The following CTNNA2 variants were observed in gnomAD, a reference collection of about 807,000 sequenced individuals.
CTNNA2 encodes the protein catenin alpha-2.
CTNNA2 carries 42 observed loss-of-function variants against 101.0 expected under a neutral mutation model. The ratio of observed to expected loss-of-function variants is 0.42; its 90% CI spans 0.32 to 0.54. The LOEUF (loss-of-function observed/expected upper bound fraction) is 0.54, where lower values mean the gene tolerates loss of function less well. CTNNA2 is among the 20% of genes least tolerant of loss of function. The pLI is 0.14. For synonymous variants in CTNNA2, 450 were observed against 456.4 expected (o/e 0.99, Z 0.18); for missense variants, 871 against 1,223.1 (o/e 0.71, Z 4.29).
At chr2:79,334,228 A>C (rs1676939903) in intron 3 of CTNNA2, among the ~76,000 whole-genome samples, 3 of 152,202 alleles carry the variant, frequency 2.0e-5, no homozygotes, top group African/African-American at 7.2e-5. Flanking sequence ...ACCTTAAGCT[A>C]TCCTTTTGAG....
chr2:80,155,051 G>A (rs1250123206), intron 7 of CTNNA2, among the ~76,000 whole-genome samples: 1 of 152,100 alleles, frequency 6.6e-6, no homozygotes, highest in Admixed American at 6.6e-5. Flanking sequence ...GCATTTCCTG[G>A]TCTCTTTAAT....
intron 7 of CTNNA2, among the ~76,000 whole-genome samples, chr2:80,192,961 G>T (rs1325138384): frequency 2.0e-5 from 3 of 152,092 alleles, no homozygotes; most frequent in Admixed American, 6.6e-5. Flanking sequence ...TGGTGTGTGT[G>T]TGTGAGTGAT....
chr2:79,638,673 G>T (rs1484745919), intron 1 of CTNNA2, among the ~76,000 whole-genome samples: 1 of 152,148 alleles, frequency 6.6e-6, no homozygotes, highest in Non-Finnish European at 1.5e-5. Context: ...CATGAGGCAG[G>T]TCTATTAGGC....
intron 4 of CTNNA2, among the ~76,000 whole-genome samples, chr2:79,467,870 T>C (rs1670956542): frequency 6.6e-6 from 1 of 152,118 alleles, no homozygotes; most frequent in East Asian, 1.9e-4. Flanking sequence ...CAAGAGCTCC[T>C]GAAGGAAGCA....
At chr2:79,660,417 GTAAC>G (rs901041350) in intron 2 of CTNNA2, among the ~76,000 whole-genome samples, 1 of 151,114 alleles carries the variant, frequency 6.6e-6, no homozygotes, top group South Asian at 2.1e-4. Flanking sequence ...TTGAATATAA[GTAAC>G]TAAGTTGTGA....
At chr2:79,867,700 A>G (rs1396298570) in intron 4 of CTNNA2, among the ~76,000 whole-genome samples, 1 of 152,212 alleles carries the variant, frequency 6.6e-6, no homozygotes, top group East Asian at 1.9e-4. Context: ...AAAATAAGTT[A>G]TGTGTAACAC....
At chr2:80,591,086 GCACA>G (rs1324831643) in intron 15 of CTNNA2, among the ~76,000 whole-genome samples, 2 of 152,130 alleles carry the variant, frequency 1.3e-5, no homozygotes, top group Non-Finnish European at 2.9e-5. Context: ...TTGATCAGGA[GCACA>G]TTTTATAATT....
intron 7 of CTNNA2, among the ~76,000 whole-genome samples, chr2:80,294,470 C>T (rs1675556315): frequency 6.6e-6 from 1 of 151,436 alleles, no homozygotes; most frequent in Non-Finnish European, 1.5e-5. Context: ...CCCCATGGAG[C>T]CCTGACCCCA....
intron 7 of CTNNA2, among the ~76,000 whole-genome samples, chr2:80,245,741 T>A (rs554171477): frequency 1.3e-5 from 2 of 149,990 alleles, no homozygotes; most frequent in East Asian, 4.0e-4. Flanking sequence ...CTTCATGACA[T>A]CTCTTTTATT....
At chr2:79,472,145 A>G (rs1489880625) in intron 4 of CTNNA2, among the ~76,000 whole-genome samples, 1 of 152,230 alleles carries the variant, frequency 6.6e-6, no homozygotes, top group Non-Finnish European at 1.5e-5. Flanking sequence ...AAACAAGCAA[A>G]GCGTAGACAT....
intron 7 of CTNNA2, among the ~76,000 whole-genome samples, chr2:80,382,876 G>A (rs1460425034): frequency 1.3e-5 from 2 of 152,094 alleles, no homozygotes; most frequent in African/African-American, 4.8e-5. Flanking sequence ...AAAATGAAAT[G>A]GAACTTTTAA....
chr2:79,576,317 G>A (rs1195781764), intron 1 of CTNNA2, among the ~76,000 whole-genome samples: 2 of 152,128 alleles, frequency 1.3e-5, no homozygotes, highest in African/African-American at 4.8e-5. Context: ...GAGAGTTTAT[G>A]GGAATGAAAA....
chr2:80,238,569 A>G (rs76516458), intron 7 of CTNNA2, among the ~76,000 whole-genome samples: 2,612 of 152,296 alleles, frequency 0.017, 75 homozygotes, highest in African/African-American at 0.06. Context: ...AGGCCCCTGC[A>G]TAATGATAGC....
intron 2 of CTNNA2, among the ~76,000 whole-genome samples, chr2:79,661,635 T>G (rs2104530144): frequency 6.6e-6 from 1 of 152,302 alleles, no homozygotes; most frequent in African/African-American, 2.4e-5. Flanking sequence ...TCAAAACTAC[T>G]TTGATTAGAA....
intron 2 of CTNNA2, among the ~76,000 whole-genome samples, chr2:79,269,115 C>A (rs868849262): frequency 6.6e-6 from 1 of 151,996 alleles, no homozygotes; most frequent in Non-Finnish European, 1.5e-5. Flanking sequence ...AGAAAATACA[C>A]CTGAGGTGTA....
chr2:79,777,080 G>T (rs1674020609), intron 3 of CTNNA2: 1 of 152,178 alleles, frequency 6.6e-6, no homozygotes, highest in South Asian at 2.1e-4. Flanking sequence ...TCAGAGCTTT[G>T]TTGCTGTGAC....
chr2:80,003,935 G>C (rs1233899153), intron 7 of CTNNA2, among the ~76,000 whole-genome samples: 5 of 152,126 alleles, frequency 3.3e-5, no homozygotes, highest in African/African-American at 9.7e-5. Context: ...AGGATGTAAG[G>C]CTTGGGCATC....
intron 7 of CTNNA2, among the ~76,000 whole-genome samples, chr2:80,083,087 G>A (rs115395332): frequency 0.01 from 1,580 of 152,134 alleles, 22 homozygotes; most frequent in African/African-American, 0.036. Flanking sequence ...CTGTTCTCAT[G>A]TGGGAAATAC....
At chr2:80,148,025 T>TA (rs1372608773) in intron 7 of CTNNA2, among the ~76,000 whole-genome samples, 3 of 152,232 alleles carry the variant, frequency 2.0e-5, no homozygotes, top group African/African-American at 7.2e-5. Context: ...CTTAACTTTT[T>TA]AATGTCATTT....
Sources: gnomAD v4.1 joint callset for allele counts (sites outside exome capture counted in the v4.1 genomes callset) on GRCh38, gnomAD v4.1.1 for gene constraint, MANE v1.5 for transcripts, NCBI Gene and HGNC (gene_info 2026-07-23, HGNC 2026-07-21) for gene names.